Variants in LIN9 observed in about 807,000 individuals in gnomAD.
LIN9 encodes the protein protein lin-9 homolog.
Under a neutral mutation model 78.0 loss-of-function variants are expected in LIN9, and 18 were observed. The observed-to-expected ratio is 0.23, with a 90% CI of 0.16 to 0.34. LIN9 has a LOEUF of 0.34. LIN9 is among the 10% of genes least tolerant of loss of function. LIN9 has a pLI of 1.00. For synonymous variants in LIN9, 192 were observed against 215.2 expected (o/e 0.89, Z 0.94); for missense variants, 451 against 644.1 (o/e 0.70, Z 3.25).
At chr1:226,309,656 T>A (rs1318022756), upstream of LIN9, 6 of 1,280,328 alleles carry the variant, frequency 4.7e-6, no homozygotes, top group Non-Finnish European at 5.1e-6. Context: ...CTTGGGCGCC[T>A]CCGTCCCCTC....
intron 10 of LIN9, among the ~76,000 whole-genome samples, chr1:226,260,069 G>A (rs1659468974): frequency 6.6e-6 from 1 of 152,094 alleles, no homozygotes; most frequent in African/African-American, 2.4e-5. Context: ...AAATGAAAAA[G>A]GGGCATCACT....
intron 6 of LIN9, 80 bp downstream of exon 6, chr1:226,286,253 C>A: frequency 6.8e-7 from 1 of 1,476,104 alleles, no homozygotes. Flanking sequence ...TCTTAGCCTT[C>A]CAAGTAACTG....
intron 7 of LIN9, among the ~76,000 whole-genome samples, chr1:226,272,815 C>T (rs1660389362): frequency 6.6e-6 from 1 of 152,160 alleles, no homozygotes; most frequent in Non-Finnish European, 1.5e-5. Flanking sequence ...CACATTCTCA[C>T]CACCTGTTTC....
chr1:226,242,727 C>T lies in LIN9; in HGVS notation c.1120-3631G>A, dbSNP rs55927099. On this transcript the variant is annotated intron_variant, in intron 11 of 14. Coordinates refer to ENST00000681046, the MANE Select transcript of LIN9 (RefSeq NM_001366245.2). ...AAGTTACAGCAGTGTGCCTGCTTCTCCTGCCTTCCCTTCCATCTCCTCTAC... is the reference window on the plus strand; with the variant it reads ...AAGTTACAGCAGTGTGCCTGCTTCTTCTGCCTTCCCTTCCATCTCCTCTAC... 8.8e-3 allele frequency among the ~76,000 whole-genome samples: 1,335 copies of T among 152,234 alleles called. 9 individuals are homozygous for T. The highest frequency in any genetic ancestry group is 0.013 in the Non-Finnish European group (863 of 68,002).
chr1:226,281,463 A>G (rs925239123), intron 6 of LIN9, among the ~76,000 whole-genome samples: 3 of 152,132 alleles, frequency 2.0e-5, no homozygotes, highest in Non-Finnish European at 2.9e-5. Context: ...TTTATTGACT[A>G]TTTCCACATA....
chr1:226,265,826 G>A lies in LIN9; in HGVS notation c.937-192C>T, dbSNP rs574878879. ...CCCGAGCAGCTGGGATTACAGGCGCGCGCCACCACGCCCAGCTAATTTTTG... is the reference window on the plus strand; with the variant it reads ...CCCGAGCAGCTGGGATTACAGGCGCACGCCACCACGCCCAGCTAATTTTTG... On this transcript the variant is annotated intron_variant, in intron 9 of 14. Transcript: ENST00000681046. The surrounding 1 kb of genome is among the most constrained non-coding windows in gnomAD (Gnocchi z 4.1). Among the ~76,000 whole-genome samples, 3 of 151,846 alleles carry A rather than the reference G, an allele frequency of 2.0e-5. No individual in the cohort carries two copies. Among genetic ancestry groups the A allele is most frequent in the Admixed American group, 6.6e-5 (1 of 15,218 alleles).
intron 11 of LIN9, among the ~76,000 whole-genome samples, chr1:226,242,446 A>G (rs1362717064): frequency 6.6e-6 from 1 of 152,252 alleles, no homozygotes; most frequent in Non-Finnish European, 1.5e-5. Flanking sequence ...TTTAGGATGT[A>G]CTGAAGGTCT....
At chr1:226,282,229 T>C (rs1441196109) in intron 6 of LIN9, among the ~76,000 whole-genome samples, 5 of 152,286 alleles carry the variant, frequency 3.3e-5, no homozygotes, top group African/African-American at 1.2e-4. Context: ...ACTATAATCA[T>C]TCCCCCATTT....
intron 11 of LIN9, among the ~76,000 whole-genome samples, chr1:226,250,396 G>C (rs1363335802): frequency 2.0e-5 from 3 of 152,156 alleles, no homozygotes; most frequent in Non-Finnish European, 2.9e-5. Flanking sequence ...GCAAACTGCT[G>C]AAAGAACCTA....
intron 4 of LIN9, among the ~76,000 whole-genome samples, 195 bp from the exon 5 acceptor site, chr1:226,287,992 T>C (rs74925474): frequency 2.0e-5 from 3 of 152,070 alleles, no homozygotes; most frequent in African/African-American, 7.2e-5. Context: ...TTTTTTTTTT[T>C]TGACAGTCTT....
chr1:226,268,221 C>T (rs995483728), intron 7 of LIN9, 131 bp from the exon 8 acceptor site: 26 of 774,968 alleles, frequency 3.4e-5, no homozygotes, highest in African/African-American at 5.4e-5. Flanking sequence ...CAAGCACACA[C>T]TTTATTTTTG....
intron 10 of LIN9, among the ~76,000 whole-genome samples, chr1:226,252,318 A>AAATAAATG (rs377430075): frequency 0.014 from 1,870 of 135,858 alleles, 21 homozygotes; most frequent in Middle Eastern, 0.067. Context: ...ATAAATAAAT[A>AAATAAATG]AATGAATGAA....
At chr1:226,304,146 A>G (rs559836958) in intron 1 of LIN9, among the ~76,000 whole-genome samples, 7 of 152,314 alleles carry the variant, frequency 4.6e-5, no homozygotes, top group Admixed American at 1.3e-4. Flanking sequence ...TAATGCTGTT[A>G]GTATTATTTT....
intron 1 of LIN9, among the ~76,000 whole-genome samples, chr1:226,303,201 C>A (rs1374195263): frequency 6.6e-6 from 1 of 152,152 alleles, no homozygotes; most frequent in Non-Finnish European, 1.5e-5. Context: ...AAAGTAGTAA[C>A]CATTCACTCA....
At chr1:226,232,660 A>C in intron 14 of LIN9, 54 bp from the exon 15 acceptor site, 1 of 1,177,826 alleles carries the variant, frequency 8.5e-7, no homozygotes, top group South Asian at 1.5e-5. Flanking sequence ...TTAAGAAAAA[A>C]ATTTTTAAAA....
chr1:226,238,920 G>A, intron 12 of LIN9, 51 bp downstream of exon 12: 1 of 1,565,758 alleles, frequency 6.4e-7, no homozygotes, highest in African/African-American at 1.4e-5. Flanking sequence ...GAAAGTAAAA[G>A]GATTAAGCTT....
chr1:226,286,200 G>A (rs1353501043), intron 6 of LIN9, 133 bp downstream of exon 6: 3 of 794,996 alleles, frequency 3.8e-6, no homozygotes, highest in Non-Finnish European at 5.8e-6. Context: ...TGTAATCACA[G>A]CATACTACAG....
intron 4 of LIN9, among the ~76,000 whole-genome samples, chr1:226,290,596 T>A (rs1261612822): frequency 6.6e-6 from 1 of 152,070 alleles, no homozygotes; most frequent in Admixed American, 6.5e-5. Flanking sequence ...CACCTCGGCC[T>A]CCCAAAGTGC....
In LIN9 at chr1:226,231,503, A is replaced by G. The variant is rs775312523; in HGVS notation, c.*998T>C. On this transcript the variant is annotated 3_prime_UTR_variant, in exon 15 of 15. Transcript: ENST00000681046. ...TATTAAAACGAAGAAAATTCCAAATACATACTTTTTACAAGATTAACATTT... is the reference window on the plus strand; with the variant it reads ...TATTAAAACGAAGAAAATTCCAAATGCATACTTTTTACAAGATTAACATTT... 3.3e-5 allele frequency: 5 copies of G among 152,590 alleles called. No individual in the cohort carries two copies. Among genetic ancestry groups the G allele is most frequent in the Admixed American group, 3.3e-4 (5 of 15,276 alleles). The allele number at this position is 152,590 out of a possible 1,614,324, so 9.5% of individuals were successfully genotyped here.
Sources: allele counts gnomAD v4.1 joint callset (sites outside exome capture counted in the v4.1 genomes callset), GRCh38; gene constraint gnomAD v4.1.1; non-coding constraint Gnocchi (gnomAD v3.1); transcripts MANE v1.5; gene names NCBI Gene and HGNC (gene_info 2026-07-23, HGNC 2026-07-21).